COL4A3: variants seen among roughly 807,000 people sequenced by gnomAD.
The protein encoded by COL4A3 is collagen type IV alpha 3 chain, also known as collagen alpha-3(IV) chain.
In COL4A3, 135 loss-of-function variants were observed where a neutral mutation model predicts 217.4. That is an observed-to-expected ratio of 0.62 (90% CI 0.54 to 0.72). The LOEUF (loss-of-function observed/expected upper bound fraction) is 0.72. Among genes scored for constraint, COL4A3 ranks in the 30% least tolerant of loss-of-function variants. The pLI, the probability that COL4A3 is intolerant of heterozygous loss-of-function variation, is 0.00. For synonymous variants in COL4A3, 690 were observed against 736.3 expected, an observed-to-expected ratio of 0.94 and a Z score of 1.02; for missense variants, 1,868 against 2,119.9, an observed-to-expected ratio of 0.88 and a Z score of 2.33.
At chr2:227,265,728 G>A (rs897367867) in intron 21 of COL4A3, 16 of 152,282 alleles carry the variant, frequency 1.1e-4, no homozygotes, top group African/African-American at 3.9e-4. Context: ...AATAAGAGTT[G>A]ATCCTTTGCC....
intron 1 of COL4A3, among the ~76,000 whole-genome samples, chr2:227,195,961 G>GA (rs1198805689): frequency 2.0e-5 from 3 of 151,812 alleles, no homozygotes; most frequent in Non-Finnish European, 4.4e-5. Context: ...TTTAAAAATA[G>GA]AAAAAAGCTT....
intron 1 of COL4A3, among the ~76,000 whole-genome samples, chr2:227,189,130 C>T (rs1051099634): frequency 1.6e-4 from 25 of 151,838 alleles, no homozygotes; most frequent in African/African-American, 6.1e-4. Flanking sequence ...GGGAGAGAGG[C>T]CAGGGGAGGA....
At chr2:227,165,296 G>A (rs1169897869) in intron 1 of COL4A3, among the ~76,000 whole-genome samples, 20 of 152,070 alleles carry the variant, frequency 1.3e-4, no homozygotes, top group Admixed American at 1.3e-3. Context: ...ACCTCTCTGG[G>A]GCTCAGTTTC....
At chr2:227,176,532 A>T (rs2065681302) in intron 1 of COL4A3, among the ~76,000 whole-genome samples, 1 of 152,222 alleles carries the variant, frequency 6.6e-6, no homozygotes, top group East Asian at 1.9e-4. Flanking sequence ...GTAAGTTAGG[A>T]GTTTTCCAGT....
At position 227,253,416 on chromosome 2, in the gene COL4A3, G is replaced by C. The variant is rs377020601; in HGVS notation, c.687+79G>C. On this transcript the variant is annotated intron_variant, in intron 12 of 51. Coordinates refer to ENST00000396578, the MANE Select transcript of COL4A3 (RefSeq NM_000091.5). This position sits in a 1 kb window ranked among gnomAD's most constrained non-coding sequence, Gnocchi z 4.4. The stretch of plus-strand genomic sequence containing the variant: ...ATATCAGCCTATACCGTTTACTTAC[G>C]GGCCAAGCTGAAATTGATGGGCCTT... 6.6e-7 allele frequency: 1 copy of C among 1,521,206 alleles called. No individual in the cohort carries two copies. Among genetic ancestry groups the C allele is most frequent in the African/African-American group, 1.4e-5 (1 of 73,076 alleles). 94.2% of individuals were successfully genotyped at this position (1,521,206 alleles called of 1,614,324 possible). A position where few individuals can be genotyped will look rare whatever the true frequency, so the allele number is the denominator to read the frequency against.
At chr2:227,188,126 T>C (rs2066099448) in intron 1 of COL4A3, among the ~76,000 whole-genome samples, 1 of 152,180 alleles carries the variant, frequency 6.6e-6, no homozygotes, top group Non-Finnish European at 1.5e-5. Flanking sequence ...AGATATTTTC[T>C]GATTGTTCTA....
At chr2:227,298,417 C>T (rs1180153103) in intron 42 of COL4A3, among the ~76,000 whole-genome samples, 1 of 152,142 alleles carries the variant, frequency 6.6e-6, no homozygotes, top group Non-Finnish European at 1.5e-5. Context: ...ATCCCTAGAG[C>T]TGGGCTAGGC....
Position 227,282,220 on chromosome 2 carries a change from C to A in COL4A3, c.2489-145C>A. On this transcript the variant is annotated intron_variant, in intron 31 of 51. Transcript: ENST00000396578. The surrounding 1 kb of genome is among the most constrained non-coding windows in gnomAD (Gnocchi z 4.4). ...CAGGGAGGCGGAGGGTACAGTGAGC[C>A]GAAATCGCCCCACTGCAATCCAGCC... 3.3e-6 allele frequency: 1 copy of A among 302,600 alleles called. No individual in the cohort carries two copies. The highest frequency in any genetic ancestry group is 1.2e-4 in the South Asian group (1 of 8,470). 18.7% of individuals were successfully genotyped at this position (302,600 alleles called of 1,614,324 possible).
Position 227,245,071 on chromosome 2 carries a change from G to T in COL4A3, c.324+76G>T. Reference sequence around the variant, plus strand: ...TTAATAAAGATGTTAAAACAGTCGTGCAAGAAAATGTGTTCTGATGCATTT... The same window carrying T: ...TTAATAAAGATGTTAAAACAGTCGTTCAAGAAAATGTGTTCTGATGCATTT... On this transcript the variant is annotated intron_variant, in intron 5 of 51. Coordinates refer to ENST00000396578, the MANE Select transcript of COL4A3 (RefSeq NM_000091.5). The T allele has an allele frequency of 4.4e-6, 6 of 1,355,322 alleles. 1 individual carries two copies. Among genetic ancestry groups the T allele is most frequent in the Non-Finnish European group, 6.3e-6 (6 of 945,668 alleles). The allele number at this position is 1,355,322 out of a possible 1,614,324, so 84.0% of individuals were successfully genotyped here.
intron 1 of COL4A3, among the ~76,000 whole-genome samples, chr2:227,180,548 G>A (rs2065837067): frequency 6.6e-6 from 1 of 152,162 alleles, no homozygotes; most frequent in South Asian, 2.1e-4. Flanking sequence ...GGATCTAAAA[G>A]AGGCAGTGCC....
intron 23 of COL4A3, among the ~76,000 whole-genome samples, chr2:227,269,654 T>C (rs1329676005): frequency 6.6e-6 from 1 of 152,172 alleles, no homozygotes; most frequent in Non-Finnish European, 1.5e-5. Context: ...AAAAGTAATA[T>C]ATACTCAGAA....
At chr2:227,192,448 A>AATT (rs60844201) in intron 1 of COL4A3, among the ~76,000 whole-genome samples, 1 of 152,120 alleles carries the variant, frequency 6.6e-6, no homozygotes, top group Non-Finnish European at 1.5e-5. Context: ...CAACCTTTTC[A>AATT]TCTCTACCCT....
chr2:227,237,857 C>A, intron 1 of COL4A3, 111 bp from the exon 2 acceptor site: 1 of 781,048 alleles, frequency 1.3e-6, no homozygotes, highest in Non-Finnish European at 2.3e-6. Context: ...TGGCTCCTAA[C>A]AGATAGTGTC....
In COL4A3 at chr2:227,266,455, G is replaced by A. The variant is rs772958162; in HGVS notation, c.1354G>A (p.Gly452Arg). The change falls in exon 22 of 52, where the codon GGA (glycine) becomes AGA (arginine). Residue 452 changes from glycine (G) to arginine (R), a missense_variant. Physicochemically the swap from Gly to Arg is moderately radical, Grantham distance 125. Around this residue, in one of 2 missense-constraint regions of COL4A3, gnomAD observed 1,503 missense variants for 1,786.1 expected, o/e 0.84. Coordinates refer to ENST00000396578, the MANE Select transcript of COL4A3 (RefSeq NM_000091.5). ...VFRKGPPGDH[G>R]LPGYLGSPGI... ...TCGCAAGGGTCCACCTGGAGATCAC[G>A]GACTGCCAGGCTATCTAGGGTCTCC... The A allele has an allele frequency of 1.2e-6, 2 of 1,614,058 alleles. No individual in the cohort carries two copies. Among genetic ancestry groups the A allele is most frequent in the African/African-American group, 1.3e-5 (1 of 75,034 alleles).
chr2:227,240,169 C>G lies in COL4A3; in HGVS notation c.171C>G (p.Pro57=). 1 of 1,610,960 alleles carries G rather than the reference C, an allele frequency of 6.2e-7. No individual in the cohort carries two copies. Among genetic ancestry groups the G allele is most frequent in the Non-Finnish European group, 8.5e-7 (1 of 1,178,794 alleles). Reference sequence around the variant, plus strand: ...GGGAGAAGGGCTTTCCTGGACCCCCCGGTTCTCCTGGCCAGAAAGGATTCA... The same window carrying G: ...GGGAGAAGGGCTTTCCTGGACCCCCGGGTTCTCCTGGCCAGAAAGGATTCA... ...EKGEKGFPGP[P]GSPGQKGFTG... is the part of the protein sequence containing the mutation. Residue 57 remains proline (P), a synonymous_variant, in exon 3 of 52, where the codon CCC becomes CCG. Transcript: ENST00000396578.
At chr2:227,197,053 C>T (rs1409373101) in intron 1 of COL4A3, among the ~76,000 whole-genome samples, 1 of 151,432 alleles carries the variant, frequency 6.6e-6, no homozygotes, top group Non-Finnish European at 1.5e-5. Flanking sequence ...AGTTTCCCTA[C>T]ACAAGCTTTC....
At chr2:227,274,899 T>C (rs923157718) in intron 26 of COL4A3, among the ~76,000 whole-genome samples, 28 of 152,358 alleles carry the variant, frequency 1.8e-4, no homozygotes, top group Non-Finnish European at 2.6e-4. Flanking sequence ...AAGCTAAGAA[T>C]GGTTTTCACA....
chr2:227,168,821 T>C (rs189791074), intron 1 of COL4A3, among the ~76,000 whole-genome samples: 61 of 152,306 alleles, frequency 4.0e-4, no homozygotes, highest in African/African-American at 1.4e-3. Flanking sequence ...TCTTTTTCCA[T>C]GTAGATGACA....
intron 25 of COL4A3, among the ~76,000 whole-genome samples, chr2:227,271,461 A>ATTTTTT (rs397988092): frequency 9.6e-6 from 1 of 104,694 alleles, no homozygotes; most frequent in East Asian, 2.7e-4. Flanking sequence ...ACCTACCAAG[A>ATTTTTT]TTTTTTTTTT....
Sources: gnomAD v4.1 joint callset for allele counts (sites outside exome capture counted in the v4.1 genomes callset) on GRCh38, gnomAD v4.1.1 for gene constraint, gnomAD v4.1.1 regional missense constraint, Gnocchi (gnomAD v3.1) non-coding constraint, MANE v1.5 for transcripts, NCBI Gene and HGNC (gene_info 2026-07-23, HGNC 2026-07-21) for gene names.